The following WWOX variants were observed in gnomAD, a reference collection of about 807,000 sequenced individuals.
WWOX encodes WW domain containing oxidoreductase.
WWOX carries 69 observed loss-of-function variants against 46.2 expected under a neutral mutation model. That is an observed-to-expected ratio of 1.49 (90% CI 1.23 to 1.82). The LOEUF is 1.82. Among genes scored for constraint, WWOX ranks in the 40% most tolerant of loss-of-function variants. The probability of loss-of-function intolerance (pLI) is 0.00; values close to 1 mark genes in which losing one functional copy is unlikely to be tolerated. For synonymous variants in WWOX, 359 were observed against 202.6 expected, an observed-to-expected ratio of 1.77 and a Z score of -6.56; for missense variants, 919 against 542.6, an observed-to-expected ratio of 1.69 and a Z score of -6.89.
intron 8 of WWOX, among the ~76,000 whole-genome samples, chr16:78,947,011 C>T (rs1040183246): frequency 5.3e-5 from 8 of 151,374 alleles, no homozygotes; most frequent in Non-Finnish European, 1.2e-4. Context: ...TGTTCCCCCT[C>T]AGTCTTGTCT....
chr16:78,428,094 C>G (rs913288715), intron 7 of WWOX, among the ~76,000 whole-genome samples: 3 of 152,142 alleles, frequency 2.0e-5, no homozygotes, highest in Non-Finnish European at 4.4e-5. Context: ...AAAAGCAAAA[C>G]CCCCACAGTA....
At chr16:79,026,782 T>TG (rs1258549718) in intron 8 of WWOX, among the ~76,000 whole-genome samples, 2 of 31,884 alleles carry the variant, frequency 6.3e-5, no homozygotes, top group African/African-American at 1.4e-4. Context: ...CACGCCCGGC[T>TG]AATTTTTTTT....
chr16:78,233,323 A>G (rs964117473), intron 5 of WWOX, among the ~76,000 whole-genome samples: 3 of 151,966 alleles, frequency 2.0e-5, no homozygotes, highest in Non-Finnish European at 4.4e-5. Context: ...ATTGTGGTAA[A>G]AACACTTAAC....
At chr16:78,589,601 A>G (rs2045304002) in intron 8 of WWOX, among the ~76,000 whole-genome samples, 1 of 152,208 alleles carries the variant, frequency 6.6e-6, no homozygotes, top group African/African-American at 2.4e-5. Context: ...AAGTTACAGT[A>G]GAGAAGTGGT....
chr16:78,951,183 G>T (rs909551464), intron 8 of WWOX, among the ~76,000 whole-genome samples: 10 of 152,212 alleles, frequency 6.6e-5, no homozygotes, highest in African/African-American at 1.9e-4. Flanking sequence ...GGCGTGGCTG[G>T]ATCTAAGTGA....
At chr16:78,708,269 C>T (rs1054668180) in intron 8 of WWOX, among the ~76,000 whole-genome samples, 2 of 152,134 alleles carry the variant, frequency 1.3e-5, no homozygotes, top group Non-Finnish European at 2.9e-5. Flanking sequence ...AAAAATGTAT[C>T]CCATGCAGTA....
intron 8 of WWOX, chr16:78,825,654 A>G (rs1335735541): frequency 3.8e-6 from 2 of 522,862 alleles, no homozygotes; most frequent in Non-Finnish European, 7.5e-6. Context: ...GTGGTTCATC[A>G]TGAATAGGGG....
intron 5 of WWOX, among the ~76,000 whole-genome samples, chr16:78,330,571 A>G (rs1408534934): frequency 6.6e-6 from 1 of 152,234 alleles, no homozygotes; most frequent in Non-Finnish European, 1.5e-5. Context: ...TAATTTTTGT[A>G]TTTTTAGTGG....
intron 8 of WWOX, among the ~76,000 whole-genome samples, chr16:78,723,609 TTTCTTTTC>T (rs1171144155): frequency 9.4e-4 from 40 of 42,588 alleles, no homozygotes; most frequent in African/African-American, 4.1e-3. Context: ...TTTCTTTTCT[TTTCTTTTC>T]TTTTCTTTTC....
At chr16:79,160,968 C>T (rs1318108885) in intron 8 of WWOX, among the ~76,000 whole-genome samples, 1 of 152,044 alleles carries the variant, frequency 6.6e-6, no homozygotes, top group South Asian at 2.1e-4. Context: ...TAATGTAGCA[C>T]GTTTCCTGGC....
intron 8 of WWOX, among the ~76,000 whole-genome samples, chr16:78,973,001 C>T (rs896833365): frequency 6.6e-6 from 1 of 152,172 alleles, no homozygotes; most frequent in Non-Finnish European, 1.5e-5. Flanking sequence ...TTCCTCCGAT[C>T]GCATTGAAGA....
chr16:78,630,233 A>T (rs1000249249), intron 8 of WWOX, among the ~76,000 whole-genome samples: 3 of 152,138 alleles, frequency 2.0e-5, no homozygotes, highest in Admixed American at 6.5e-5. Flanking sequence ...CTGGGGTCCT[A>T]TTTTGCTCAC....
chr16:78,419,625 C>CAAAAAAAAAAAAAAAAAAAAAA (rs60762734), intron 6 of WWOX, among the ~76,000 whole-genome samples: 2 of 44,692 alleles, frequency 4.5e-5, no homozygotes, highest in African/African-American at 7.3e-5. Context: ...CAAAAAATAG[C>CAAAAAAAAAAAAAAAAAAAAAA]AAAAAAAAAA....
chr16:78,494,941 T>G (rs1336228604), intron 8 of WWOX, among the ~76,000 whole-genome samples: 1 of 152,194 alleles, frequency 6.6e-6, no homozygotes, highest in Non-Finnish European at 1.5e-5. Context: ...GGTACTTTGT[T>G]GCAACCCAGC....
intron 5 of WWOX, among the ~76,000 whole-genome samples, chr16:78,165,415 A>T (rs1263244493): frequency 6.6e-6 from 1 of 152,226 alleles, no homozygotes; most frequent in Non-Finnish European, 1.5e-5. Context: ...AAACTTGAAA[A>T]AGCAGTGAGT....
intron 8 of WWOX, among the ~76,000 whole-genome samples, chr16:79,089,582 A>C (rs2048916403): frequency 6.6e-6 from 1 of 152,078 alleles, no homozygotes; most frequent in African/African-American, 2.4e-5. Flanking sequence ...TGCCCGCCTC[A>C]AAGTCCCAAC....
At chr16:78,702,974 CA>C (rs1374988752) in intron 8 of WWOX, among the ~76,000 whole-genome samples, 1 of 152,106 alleles carries the variant, frequency 6.6e-6, no homozygotes, top group African/African-American at 2.4e-5. Context: ...TCTTGTAGAT[CA>C]TCATAGGATA....
intron 8 of WWOX, among the ~76,000 whole-genome samples, chr16:78,740,320 G>C (rs1051272619): frequency 6.6e-6 from 1 of 152,160 alleles, no homozygotes; most frequent in East Asian, 1.9e-4. Context: ...CCCGTCGGGG[G>C]GCTCCTGAGA....
intron 8 of WWOX, among the ~76,000 whole-genome samples, chr16:79,096,346 C>T (rs923687197): frequency 6.6e-6 from 1 of 152,098 alleles, no homozygotes; most frequent in African/African-American, 2.4e-5. Flanking sequence ...TCGAGCTGGC[C>T]ATGGCATCCT....
Sources: allele counts gnomAD v4.1 joint callset (sites outside exome capture counted in the v4.1 genomes callset), GRCh38; gene constraint gnomAD v4.1.1; transcripts MANE v1.5; gene names NCBI Gene and HGNC (gene_info 2026-07-23, HGNC 2026-07-21).